PHACTR2: variants seen among roughly 807,000 people sequenced by gnomAD.
PHACTR2 encodes phosphatase and actin regulator 2, also known as chromosome 6 open reading frame 56.
A neutral mutation model predicts 76.0 loss-of-function variants in PHACTR2; 30 were observed. That is an observed-to-expected ratio of 0.39 (90% confidence interval 0.30 to 0.54). The LOEUF is 0.54. Among genes scored for constraint, PHACTR2 ranks in the 20% least tolerant of loss-of-function variants. The pLI is 0.61. For missense variants in PHACTR2, 696 were observed against 781.1 expected, an observed-to-expected ratio of 0.89 and a Z score of 1.30; for synonymous variants, 292 against 292.5, an observed-to-expected ratio of 1.00 and a Z score of 0.02.
At position 143,583,901 on chromosome 6, in the gene PHACTR2, C is replaced by T. The variant is rs549200815; in HGVS notation, c.217+46694C>T. 9.8e-5 allele frequency among the ~76,000 whole-genome samples: 15 copies of T among 152,314 alleles called. No homozygotes were observed. Among genetic ancestry groups the T allele is most frequent in the South Asian group, 2.1e-4 (1 of 4,822 alleles). ...TTCTGAGAGGTCTAGAGTGCTGGGA[C>T]GGTGTCTTATTTATCTCTACACTTT... On this transcript the variant is annotated intron_variant, in intron 1 of 11. Transcript: ENST00000367584. The surrounding 1 kb of genome is among the most constrained non-coding windows in gnomAD (Gnocchi z 4.0).
rs1012608779 is a variant in PHACTR2, at chr6:143,578,504, T to G, written c.217+41297T>G. ...ACTGTGGGGAAGAATGGGGCCGAAA[T>G]GCAGCCCATACCCTGCTTGCCAAGC... On this transcript the variant is annotated intron_variant, in intron 1 of 11. Transcript: ENST00000367584. The surrounding 1 kb of genome is among the most constrained non-coding windows in gnomAD (Gnocchi z 4.5). 3.9e-5 allele frequency among the ~76,000 whole-genome samples: 6 copies of G among 152,116 alleles called. No individual in the cohort carries two copies. The highest frequency in any genetic ancestry group is 1.4e-4 in the African/African-American group (6 of 41,402).
At chr6:143,756,694 G>A (rs75314506) in intron 4 of PHACTR2, among the ~76,000 whole-genome samples, 4 of 77,812 alleles carry the variant, frequency 5.1e-5, no homozygotes, top group Non-Finnish European at 7.4e-5. Flanking sequence ...GCGAGACTCC[G>A]TCTCAAAAAA....
chr6:143,573,114 A>T lies in PHACTR2; in HGVS notation c.217+35907A>T, dbSNP rs147408729. 1.9e-3 allele frequency among the ~76,000 whole-genome samples: 292 copies of T among 152,320 alleles called. 1 individual carries two copies. The highest frequency in any genetic ancestry group is 6.3e-3 in the African/African-American group (263 of 41,576). On this transcript the variant is annotated intron_variant, in intron 1 of 11. Transcript: ENST00000367584. ...TTTCTTATATATTGCATTTCATTGTATATTACATTCGTGATCTTCCTACTC... is the reference window on the plus strand; with the variant it reads ...TTTCTTATATATTGCATTTCATTGTTTATTACATTCGTGATCTTCCTACTC...
In PHACTR2 at chr6:143,760,472, C is replaced by A. The variant is rs2073214; in HGVS notation, c.526C>A (p.Pro176Thr). The A allele has an allele frequency of 6.2e-7, 1 of 1,613,148 alleles. No individual in the cohort carries two copies. Among genetic ancestry groups the A allele is most frequent in the African/African-American group, 1.3e-5 (1 of 74,894 alleles). The change falls in exon 5 of 13, where the codon CCC (proline) becomes ACC (threonine). Residue 176 changes from proline to threonine, a missense_variant. Pro to Thr is a conservative substitution (Grantham distance 38). This residue lies in a region of PHACTR2 where 460 missense variants were observed against 450.9 expected (regional missense o/e 1.02). Transcript: ENST00000440869. The surrounding 1 kb of genome is among the most constrained non-coding windows in gnomAD (Gnocchi z 6.4). ...LPPSAPPKPR[P>T]KPKPKKSPVP... ...TCCTTCTGCTCCTCCTAAGCCTAGA[C>A]CCAAACCTAAACCCAAAAAATCACC...
At chr6:143,805,338 G>T (rs575524351) in intron 11 of PHACTR2, among the ~76,000 whole-genome samples, 15 of 152,190 alleles carry the variant, frequency 9.9e-5, no homozygotes, top group Admixed American at 3.9e-4. Flanking sequence ...AATTAGCCAG[G>T]CACGGTGGTG....
At chr6:143,655,226 C>T (rs185089348) in intron 1 of PHACTR2, among the ~76,000 whole-genome samples, 328 of 148,956 alleles carry the variant, frequency 2.2e-3, no homozygotes, top group African/African-American at 7.0e-3. Context: ...CCAGGATGAA[C>T]GTTGTATGAT....
Position 143,809,714 on chromosome 6 carries a change from G to A in PHACTR2, c.1922+2581G>A, listed in dbSNP as rs1776137577. Among the ~76,000 whole-genome samples, 1 of 149,344 alleles carries A rather than the reference G, an allele frequency of 6.7e-6. No homozygotes were observed. Among genetic ancestry groups the A allele is most frequent in the Non-Finnish European group, 1.5e-5 (1 of 67,316 alleles). ...TGCATTTATAAATGTGTGTATGTGTGTATATATATATATATATTAAATATG... is the reference window on the plus strand; with the variant it reads ...TGCATTTATAAATGTGTGTATGTGTATATATATATATATATATTAAATATG... On this transcript the variant is annotated intron_variant, in intron 12 of 12. Transcript: ENST00000440869. This position sits in a 1 kb window ranked among gnomAD's most constrained non-coding sequence, Gnocchi z 4.2.
chr6:143,627,301 G>A lies in PHACTR2; in HGVS notation c.13+18979G>A, dbSNP rs1776278292. ...CATTATTATTTTCAAAACTAAGATA[G>A]CTTTACTCAGTTCGATAACTTGCCT... On this transcript the variant is annotated intron_variant, in intron 1 of 11. Coordinates refer to the PHACTR2 transcript ENST00000305766. This position sits in a 1 kb window ranked among gnomAD's most constrained non-coding sequence, Gnocchi z 4.3. 6.6e-6 allele frequency among the ~76,000 whole-genome samples: 1 copy of A among 152,146 alleles called. No individual in the cohort carries two copies. Among genetic ancestry groups the A allele is most frequent in the Non-Finnish European group, 1.5e-5 (1 of 68,038 alleles).
chr6:143,779,788 G>A (rs768911149), intron 9 of PHACTR2, among the ~76,000 whole-genome samples: 11 of 151,680 alleles, frequency 7.3e-5, no homozygotes, highest in Non-Finnish European at 1.6e-4. Context: ...GTGACCACAG[G>A]ACAAATTATA....
upstream of PHACTR2, among the ~76,000 whole-genome samples, chr6:143,676,088 C>A (rs1238758744): frequency 6.6e-6 from 1 of 152,176 alleles, no homozygotes; most frequent in Non-Finnish European, 1.5e-5. This position sits in a 1 kb window ranked among gnomAD's most constrained non-coding sequence, Gnocchi z 4.8. Context: ...ACTTAGTGCA[C>A]ACTTCCTGCA....
Position 143,550,630 on chromosome 6 carries a change from A to G in PHACTR2, c.217+13423A>G, listed in dbSNP as rs1775082735. Among the ~76,000 whole-genome samples the G allele has an allele frequency of 6.6e-6, 1 of 152,018 alleles. No homozygotes were observed. Among genetic ancestry groups the G allele is most frequent in the Non-Finnish European group, 1.5e-5 (1 of 67,942 alleles). ...AATATTTTGCTTCAAGAGTGTCCATATGAATTGGCTTCTGGGACTTTCTCT... is the reference window on the plus strand; with the variant it reads ...AATATTTTGCTTCAAGAGTGTCCATGTGAATTGGCTTCTGGGACTTTCTCT... On this transcript the variant is annotated intron_variant, in intron 1 of 11. Coordinates refer to the PHACTR2 transcript ENST00000367584. The surrounding 1 kb of genome is among the most constrained non-coding windows in gnomAD (Gnocchi z 4.8).
rs999832359 is a variant in PHACTR2 at position 143,774,366 on chromosome 6, C to T, written c.1589+151C>T. The T allele has an allele frequency of 3.0e-5, 16 of 535,724 alleles. No homozygotes were observed. In the East Asian group the frequency reaches 3.9e-4, roughly 13 times the overall value. 33.2% of individuals were successfully genotyped at this position (535,724 alleles called of 1,614,324 possible). On this transcript the variant is annotated intron_variant, in intron 8 of 12. Coordinates refer to ENST00000440869, the MANE Select transcript of PHACTR2 (RefSeq NM_001100164.2). This position sits in a 1 kb window ranked among gnomAD's most constrained non-coding sequence, Gnocchi z 5.4. ...AAAGTTGGTCTTGCATGATGAAACA[C>T]TCGAAGAACCTGTCCTTTGGCCCAG...
chr6:143,722,890 C>A lies in PHACTR2; in HGVS notation c.214+10707C>A, dbSNP rs1408879791. Among the ~76,000 whole-genome samples, 1 of 152,230 alleles carries A rather than the reference C, an allele frequency of 6.6e-6. No homozygotes were observed. Among genetic ancestry groups the A allele is most frequent in the Non-Finnish European group, 1.5e-5 (1 of 68,038 alleles). On this transcript the variant is annotated intron_variant, in intron 2 of 12. Transcript: ENST00000440869. This position sits in a 1 kb window ranked among gnomAD's most constrained non-coding sequence, Gnocchi z 4.1. ...TCTGTACCTGGCTTATTTTACTTAACATAATGTCCTTCAGTTCCATCCGTG... is the reference window on the plus strand; with the variant it reads ...TCTGTACCTGGCTTATTTTACTTAAAATAATGTCCTTCAGTTCCATCCGTG...
Position 143,539,713 on chromosome 6 carries a change from T to A in PHACTR2, c.217+2506T>A, listed in dbSNP as rs1781154897. ...TTGCCAAAACAGCCCCGGACCAGCATCTGTGGCCTCATCTCAGAATCTCAG... is the reference window on the plus strand; with the variant it reads ...TTGCCAAAACAGCCCCGGACCAGCAACTGTGGCCTCATCTCAGAATCTCAG... On this transcript the variant is annotated intron_variant, in intron 1 of 11. Transcript: ENST00000367584. This position sits in a 1 kb window ranked among gnomAD's most constrained non-coding sequence, Gnocchi z 4.3. Among the ~76,000 whole-genome samples, 2 of 152,160 alleles carry A rather than the reference T, an allele frequency of 1.3e-5. No individual in the cohort carries two copies. The highest frequency in any genetic ancestry group is 2.1e-4 in the South Asian group (1 of 4,830).
intron 6 of PHACTR2, among the ~76,000 whole-genome samples, chr6:143,770,274 T>C (rs1295259671): frequency 6.6e-6 from 1 of 152,220 alleles, no homozygotes; most frequent in African/African-American, 2.4e-5. Flanking sequence ...ATTGTATAAT[T>C]TCTCTTAGAG....
At chr6:143,747,952 G>A (rs1023833808) in intron 2 of PHACTR2, among the ~76,000 whole-genome samples, 3 of 152,140 alleles carry the variant, frequency 2.0e-5, no homozygotes, top group Non-Finnish European at 2.9e-5. Context: ...ATCCTGCTCC[G>A]GAGCTCCCAA....
In PHACTR2 at chr6:143,697,336, G is replaced by A. The variant is rs1252426930; in HGVS notation, c.47-14680G>A. On this transcript the variant is annotated intron_variant, in intron 1 of 12. Transcript: ENST00000440869. This position sits in a 1 kb window ranked among gnomAD's most constrained non-coding sequence, Gnocchi z 4.4. ...TGGCTTCCCCAATTAGGAGAAAGAA[G>A]GTTAAGACTGAAGAAAAATCTGAGA... is the stretch of plus-strand genomic sequence containing the variant. 1.3e-5 allele frequency among the ~76,000 whole-genome samples: 2 copies of A among 152,156 alleles called. No homozygotes were observed. Among genetic ancestry groups the A allele is most frequent in the African/African-American group, 4.8e-5 (2 of 41,416 alleles).
intron 1 of PHACTR2, among the ~76,000 whole-genome samples, chr6:143,632,334 T>C (rs35286147): frequency 0.17 from 25,793 of 152,248 alleles, 2,647 homozygotes; most frequent in South Asian, 0.28. Flanking sequence ...GTATGTATGT[T>C]ATTTTAAAGA....
chr6:143,778,561 A>G (rs551576789), intron 9 of PHACTR2, among the ~76,000 whole-genome samples: 4 of 152,242 alleles, frequency 2.6e-5, no homozygotes, highest in Non-Finnish European at 4.4e-5. Context: ...GGAGGAGGAA[A>G]AATTCACGGC....
Sources: gnomAD v4.1 joint callset for allele counts (sites outside exome capture counted in the v4.1 genomes callset) on GRCh38, gnomAD v4.1.1 for gene constraint, gnomAD v4.1.1 regional missense constraint, Gnocchi (gnomAD v3.1) non-coding constraint, MANE v1.5 for transcripts, NCBI Gene and HGNC (gene_info 2026-07-23, HGNC 2026-07-21) for gene names.